The following CDK12 variants were observed in gnomAD, a reference collection of about 807,000 sequenced individuals.
CDK12 encodes cyclin-dependent kinase 12.
Under a neutral mutation model 133.8 loss-of-function variants are expected in CDK12, and 17 were observed. The ratio of observed to expected loss-of-function variants is 0.13; its 90% confidence interval spans 0.09 to 0.19. The LOEUF is 0.19. Among genes scored for constraint, CDK12 ranks in the 10% least tolerant of loss-of-function variants. The probability of loss-of-function intolerance (pLI) is 1.00; values close to 1 mark genes in which losing one functional copy is unlikely to be tolerated. For missense variants in CDK12, 1,508 were observed against 1,818.7 expected (o/e 0.83, Z 3.11); for synonymous variants, 694 against 683.6 (o/e 1.02, Z -0.24).
chr17:39,461,905 G>T lies in CDK12; in HGVS notation c.-167G>T, dbSNP rs566968995. ...CACCCCCCACCTCATGTAGAAGGGTGCTGAGGCGTCGGGAGGGAGGAGGAG... is the reference window on the plus strand; with the variant it reads ...CACCCCCCACCTCATGTAGAAGGGTTCTGAGGCGTCGGGAGGGAGGAGGAG... On this transcript the variant is annotated 5_prime_UTR_variant, in exon 1 of 14. Transcript: ENST00000447079. 5.0e-5 allele frequency: 31 copies of T among 616,672 alleles called. No individual in the cohort carries two copies. The highest frequency in any genetic ancestry group is 8.1e-5 in the Non-Finnish European group (28 of 345,140). 38.2% of individuals were successfully genotyped at this position (616,672 alleles called of 1,614,324 possible).
chr17:39,482,870 G>A (rs2050827202), intron 2 of CDK12, among the ~76,000 whole-genome samples: 1 of 150,856 alleles, frequency 6.6e-6, no homozygotes, highest in Admixed American at 6.7e-5. Context: ...TCAAAGTGCT[G>A]GGATTACAGG....
At position 39,463,110 on chromosome 17, in the gene CDK12, C is replaced by G; in HGVS notation, c.1039C>G (p.Leu347Val). Reference protein sequence around the residue: ...LSKRSLSRSPLPSRKSMKSRS... With the variant: ...LSKRSLSRSPVPSRKSMKSRS... ...CAAGCGGTCTCTGAGTCGGAGTCCA[C>G]TCCCCAGGTGAGCTATTTGTCTAAC... The change falls in exon 1 of 14, where the codon CTC (leucine) becomes GTC (valine). Residue 347 changes from leucine (L) to valine (V), a missense_variant. Physicochemically the swap from Leu to Val is conservative, Grantham distance 32. Around this residue, in one of 9 missense-constraint regions of CDK12, gnomAD observed 460 missense variants for 490.8 expected, o/e 0.94. Coordinates refer to ENST00000447079, the MANE Select transcript of CDK12 (RefSeq NM_016507.4). The G allele has an allele frequency of 5.0e-6, 8 of 1,613,708 alleles. No homozygotes were observed. Among genetic ancestry groups the G allele is most frequent in the Non-Finnish European group, 6.8e-6 (8 of 1,179,748 alleles).
chr17:39,474,750 T>C (rs1001127703), intron 2 of CDK12, among the ~76,000 whole-genome samples: 8 of 148,810 alleles, frequency 5.4e-5, no homozygotes, highest in South Asian at 2.1e-4. Flanking sequence ...AAGGAATGGC[T>C]CCATCACTAT....
intron 1 of CDK12, among the ~76,000 whole-genome samples, chr17:39,469,260 A>T (rs189335835): frequency 1.3e-5 from 2 of 152,286 alleles, no homozygotes; most frequent in Non-Finnish European, 2.9e-5. Flanking sequence ...TTATTTCCAA[A>T]GCCTTTCTTA....
At position 39,462,114 on chromosome 17, in the gene CDK12, G is replaced by A; in HGVS notation, c.43G>A (p.Gly15Arg). ...ACATGGGGGCAAGAAGGACGGGAGT[G>A]GAGGAGCTTCTGGAACTTTGCAGCC... ...ERHGGKKDGS[G>R]GASGTLQPSS... The change falls in exon 1 of 14, where the codon GGA (glycine) becomes AGA (arginine). Residue 15 changes from glycine to arginine, a missense_variant. Gly to Arg is a moderately radical substitution (Grantham distance 125). Transcript: ENST00000447079. 6.2e-7 allele frequency: 1 copy of A among 1,614,152 alleles called. No individual in the cohort carries two copies. Among genetic ancestry groups the A allele is most frequent in the Non-Finnish European group, 8.5e-7 (1 of 1,179,982 alleles).
At chr17:39,565,826 G>A (rs1174326493), downstream of CDK12, among the ~76,000 whole-genome samples, 1 of 152,230 alleles carries the variant, frequency 6.6e-6, no homozygotes, top group East Asian at 1.9e-4. Flanking sequence ...CTGTGCTGAT[G>A]TGTGTCCCCC....
At position 39,491,916 on chromosome 17, in the gene CDK12, CAA is replaced by C. The variant is rs540286805; in HGVS notation, c.2109-834_2109-833del. ...GGCCAAGGCGGGTGGATCATGAGGTCAAGAGATCGAGACCATCTTGACCAACA... is the reference window on the plus strand; with the variant it reads ...GGCCAAGGCGGGTGGATCATGAGGTCGAGATCGAGACCATCTTGACCAACA... On this transcript the variant is annotated intron_variant, in intron 3 of 13. Coordinates refer to ENST00000447079, the MANE Select transcript of CDK12 (RefSeq NM_016507.4). Among the ~76,000 whole-genome samples, 492 of 148,704 alleles carry C rather than the reference CAA, an allele frequency of 3.3e-3. 5 individuals carry two copies. The highest frequency in any genetic ancestry group is 0.012 in the African/African-American group (481 of 40,510).
chr17:39,502,500 A>G (rs1031855105), intron 6 of CDK12, among the ~76,000 whole-genome samples: 53 of 152,168 alleles, frequency 3.5e-4, no homozygotes, highest in Non-Finnish European at 4.4e-5. Flanking sequence ...ACATGGAAAG[A>G]TTATGACACA....
chr17:39,536,024 T>C (rs2055118740), downstream of CDK12, among the ~76,000 whole-genome samples: 1 of 152,078 alleles, frequency 6.6e-6, no homozygotes, highest in South Asian at 2.1e-4. Flanking sequence ...GGTGTGACAG[T>C]TCTTATCTGT....
intron 2 of CDK12, among the ~76,000 whole-genome samples, chr17:39,472,760 G>A (rs1168228553): frequency 6.6e-6 from 1 of 151,706 alleles, no homozygotes; most frequent in South Asian, 2.1e-4. Context: ...CATTGACTTA[G>A]TAACATCAAT....
At chr17:39,544,047 AC>A (rs1484889807), upstream of CDK12, 3 of 259,538 alleles carry the variant, frequency 1.2e-5, no homozygotes, top group African/African-American at 6.5e-5. Flanking sequence ...GAATTTTAGA[AC>A]AGTTATGACT....
At chr17:39,498,947 C>CT (rs1228730213) in intron 5 of CDK12, among the ~76,000 whole-genome samples, 5 of 148 alleles carry the variant, frequency 0.034, 1 homozygote, top group African/African-American at 0.2. Flanking sequence ...TTCTTTCTTT[C>CT]TTTCTTTCTT....
At chr17:39,466,389 C>G (rs1373168356) in intron 1 of CDK12, among the ~76,000 whole-genome samples, 1 of 149,974 alleles carries the variant, frequency 6.7e-6, no homozygotes, top group East Asian at 2.0e-4. Context: ...CTGAGGCAGG[C>G]GGATCACCTG....
upstream of CDK12, chr17:39,546,338 G>T (rs1329878348): frequency 6.7e-6 from 1 of 150,022 alleles, no homozygotes. Context: ...CCCCCACCAC[G>T]CCTGGCTAAT....
At chr17:39,477,003 C>T (rs897429468) in intron 2 of CDK12, among the ~76,000 whole-genome samples, 3 of 151,184 alleles carry the variant, frequency 2.0e-5, no homozygotes, top group African/African-American at 7.3e-5. Context: ...CGTGAACCAC[C>T]AAGTCCAGCC....
chr17:39,481,627 T>TCGCTCGCG (rs1055583173), intron 2 of CDK12, among the ~76,000 whole-genome samples: 1 of 105,126 alleles, frequency 9.5e-6, no homozygotes, highest in African/African-American at 4.3e-5. Context: ...GCTTGCTCGC[T>TCGCTCGCG]CGCGCGCTCT....
At chr17:39,488,534 C>T (rs184995177) in intron 2 of CDK12, among the ~76,000 whole-genome samples, 6 of 152,086 alleles carry the variant, frequency 3.9e-5, no homozygotes, top group South Asian at 2.1e-4. Context: ...TAAATATCTT[C>T]GGCAATTTAT....
In CDK12 at chr17:39,470,965, G is replaced by T; in HGVS notation, c.1133G>T (p.Arg378Leu). ...AGTAAAAAGAAGAGATCCAGTTCAC[G>T]CAGTCGTCATTCCAGTATCTCACCT... The part of the protein sequence containing the change: ...SHSKKKRSSS[R>L]SRHSSISPVR... The change falls in exon 2 of 14, where the codon CGC (arginine) becomes CTC (leucine). Residue 378 changes from arginine to leucine, a missense_variant. Transcript: ENST00000447079. The T allele has an allele frequency of 1.2e-6, 2 of 1,613,972 alleles. No individual in the cohort carries two copies. Among genetic ancestry groups the T allele is most frequent in the Non-Finnish European group, 1.7e-6 (2 of 1,179,878 alleles).
rs781741274 is a variant in CDK12, at chr17:39,509,807, GT to G, written c.2666+50del. 1.2e-5 allele frequency: 18 copies of G among 1,480,580 alleles called. No individual in the cohort carries two copies. The Admixed American group carries it at 1.5e-4, about 12-fold the overall frequency. The allele number at this position is 1,480,580 out of a possible 1,614,324, so 91.7% of individuals were successfully genotyped here. On this transcript the variant is annotated intron_variant, in intron 7 of 13. Transcript: ENST00000447079. ...ACATGTGGGAAATAAGGTTTGTTTTGTTTTGTTTTTTTGAGGCAGGATCTTA... is the reference window on the plus strand; with the variant it reads ...ACATGTGGGAAATAAGGTTTGTTTTGTTTGTTTTTTTGAGGCAGGATCTTA...
Sources: gnomAD v4.1 joint callset for allele counts (sites outside exome capture counted in the v4.1 genomes callset) on GRCh38, gnomAD v4.1.1 for gene constraint, gnomAD v4.1.1 regional missense constraint, MANE v1.5 for transcripts, NCBI Gene and HGNC (gene_info 2026-07-23, HGNC 2026-07-21) for gene names.